Variants in NTM observed in about 807,000 individuals in gnomAD.
NTM encodes neurotrimin.
Under a neutral mutation model 42.1 loss-of-function variants are expected in NTM, and 13 were observed. The ratio of observed to expected loss-of-function variants is 0.31; its 90% CI spans 0.20 to 0.49. The LOEUF is 0.49. Ranked by LOEUF, NTM falls within the 20% of genes least tolerant of loss-of-function variation. The pLI is 0.99. For missense variants in NTM, 373 were observed against 452.8 expected (o/e 0.82, Z 1.60); for synonymous variants, 187 against 179.2 (o/e 1.04, Z -0.35).
At chr11:131,907,408 C>T (rs1225342493) in intron 1 of NTM, among the ~76,000 whole-genome samples, 1 of 152,232 alleles carries the variant, frequency 6.6e-6, no homozygotes, top group Non-Finnish European at 1.5e-5. Flanking sequence ...GTACACATGG[C>T]AGGCTCTTCT....
chr11:131,503,875 T>G (rs411789), intron 1 of NTM, among the ~76,000 whole-genome samples: 80,976 of 151,986 alleles, frequency 0.53, 22,432 homozygotes, highest in African/African-American at 0.7. Flanking sequence ...CCATTTGGCT[T>G]CTCTATTAGA....
At position 131,858,210 on chromosome 11, in the gene NTM, T is replaced by C. The variant is rs79590610; in HGVS notation, c.83-53354T>C. On this transcript the variant is annotated intron_variant, in intron 1 of 8. Coordinates refer to ENST00000683400, the MANE Select transcript of NTM (RefSeq NM_001352005.2). ...CTTTTCTTCATGCTATACTTTTTCA[T>C]TTCTTTTCATTGGCTCTGCTTCTGT... Among the ~76,000 whole-genome samples, 430 of 152,338 alleles carry C rather than the reference T, an allele frequency of 2.8e-3. 2 individuals carry two copies. The highest frequency in any genetic ancestry group is 9.8e-3 in the African/African-American group (408 of 41,588).
chr11:131,860,705 C>T (rs1005297724), intron 1 of NTM, among the ~76,000 whole-genome samples: 1 of 152,212 alleles, frequency 6.6e-6, no homozygotes, highest in Admixed American at 6.5e-5. Flanking sequence ...TGCAAGCAGG[C>T]CTTTCTAAGG....
chr11:132,108,201 C>T (rs1365803201), intron 2 of NTM, among the ~76,000 whole-genome samples: 2 of 152,242 alleles, frequency 1.3e-5, no homozygotes, highest in East Asian at 3.9e-4. Context: ...AAAATATATC[C>T]CCACTTCATA....
chr11:131,906,279 T>A lies in NTM; in HGVS notation c.83-5285T>A, dbSNP rs149511918. ...GCCACAGATGATGCAGCAGCAGGAG[T>A]TACTGAGTGGTCAGCTCTTAAATAT... On this transcript the variant is annotated intron_variant, in intron 1 of 8. Coordinates refer to ENST00000683400, the MANE Select transcript of NTM (RefSeq NM_001352005.2). 4.2e-3 allele frequency among the ~76,000 whole-genome samples: 646 copies of A among 152,066 alleles called. 5 individuals are homozygous for A. The highest frequency in any genetic ancestry group is 0.014 in the African/African-American group (589 of 41,462).
At chr11:131,869,987 G>A (rs1329264966) in intron 1 of NTM, among the ~76,000 whole-genome samples, 2 of 152,324 alleles carry the variant, frequency 1.3e-5, no homozygotes, top group East Asian at 3.9e-4. Flanking sequence ...CAGCTGTACA[G>A]AGCAGACGCT....
intron 1 of NTM, among the ~76,000 whole-genome samples, chr11:131,721,419 G>C (rs1243849666): frequency 6.6e-6 from 1 of 152,096 alleles, no homozygotes; most frequent in African/African-American, 2.4e-5. Context: ...GGGGATAAGA[G>C]TGCCTCCTTC....
intron 2 of NTM, among the ~76,000 whole-genome samples, chr11:132,136,347 G>GA (rs2067918158): frequency 1.3e-5 from 2 of 152,362 alleles, no homozygotes; most frequent in South Asian, 4.1e-4. Context: ...CCAAAGGTGA[G>GA]AGGATGTGTT....
At chr11:131,599,672 A>G (rs2060297191) in intron 1 of NTM, among the ~76,000 whole-genome samples, 1 of 152,214 alleles carries the variant, frequency 6.6e-6, no homozygotes, top group African/African-American at 2.4e-5. Context: ...CCTCCCTCTT[A>G]TGGCTCACAA....
chr11:131,374,171 A>T (rs1941629817), intron 1 of NTM, among the ~76,000 whole-genome samples: 1 of 152,206 alleles, frequency 6.6e-6, no homozygotes, highest in Admixed American at 6.5e-5. Context: ...GGCGTCAGGG[A>T]GCCTCATCGA....
At chr11:131,511,621 C>T (rs899874613) in intron 1 of NTM, among the ~76,000 whole-genome samples, 3 of 151,036 alleles carry the variant, frequency 2.0e-5, no homozygotes. Flanking sequence ...GACTGGGTCT[C>T]ATCTCTGCTT....
At chr11:131,954,459 T>C (rs2061355595) in intron 2 of NTM, among the ~76,000 whole-genome samples, 1 of 152,166 alleles carries the variant, frequency 6.6e-6, no homozygotes, top group Admixed American at 6.5e-5. Flanking sequence ...TGCACTTCAC[T>C]GGGTCCACAT....
chr11:131,486,237 G>A (rs1180571342), intron 1 of NTM, among the ~76,000 whole-genome samples: 1 of 152,166 alleles, frequency 6.6e-6, no homozygotes, highest in Non-Finnish European at 1.5e-5. Flanking sequence ...ACTTGGCAGG[G>A]AGTTGAGTGC....
chr11:131,796,285 C>T (rs1010069767), intron 1 of NTM: 1 of 559,978 alleles, frequency 1.8e-6, no homozygotes, highest in Non-Finnish European at 2.3e-6. Context: ...CTGCTGCCTG[C>T]CTGGCTGTGC....
chr11:132,007,303 G>A (rs1317985395), intron 2 of NTM, among the ~76,000 whole-genome samples: 2 of 152,202 alleles, frequency 1.3e-5, no homozygotes, highest in Non-Finnish European at 2.9e-5. Flanking sequence ...GTTTGGATAA[G>A]TGGCAATAAG....
At chr11:131,583,601 C>T (rs2058606207) in intron 1 of NTM, among the ~76,000 whole-genome samples, 1 of 152,138 alleles carries the variant, frequency 6.6e-6, no homozygotes, top group Non-Finnish European at 1.5e-5. Context: ...ATTCTTTAAA[C>T]ATTAATTAGT....
chr11:131,983,826 C>G (rs1016798831), intron 2 of NTM, among the ~76,000 whole-genome samples: 3 of 152,194 alleles, frequency 2.0e-5, no homozygotes, highest in African/African-American at 7.2e-5. Context: ...GGGATCCAGG[C>G]TAACCAAGGC....
intron 1 of NTM, among the ~76,000 whole-genome samples, chr11:131,490,236 G>A (rs568390013): frequency 4.6e-5 from 7 of 152,276 alleles, no homozygotes; most frequent in Non-Finnish European, 7.4e-5. Context: ...AACATGAGGC[G>A]TGGTGGGGCC....
chr11:131,421,267 C>G (rs1364736645), intron 1 of NTM, among the ~76,000 whole-genome samples: 1 of 152,174 alleles, frequency 6.6e-6, no homozygotes, highest in Admixed American at 6.5e-5. Flanking sequence ...ACCAAAGGCC[C>G]TTGGCTAATA....
Sources: allele counts gnomAD v4.1 joint callset (sites outside exome capture counted in the v4.1 genomes callset), GRCh38; gene constraint gnomAD v4.1.1; transcripts MANE v1.5; gene names NCBI Gene and HGNC (gene_info 2026-07-23, HGNC 2026-07-21).